The following IFT122 variants were observed in gnomAD, a reference collection of about 807,000 sequenced individuals.
The protein encoded by IFT122 is intraflagellar transport protein 122 homolog.
In IFT122, 118 loss-of-function variants were observed where a neutral mutation model predicts 161.6. That is an observed-to-expected ratio of 0.73 (90% CI 0.63 to 0.85). The LOEUF is 0.85. IFT122 is among the 40% of genes least tolerant of loss of function. IFT122 has a pLI of 0.00. For synonymous variants in IFT122, 550 were observed against 602.4 expected, an observed-to-expected ratio of 0.91 and a Z score of 1.27; for missense variants, 1,381 against 1,579.6, an observed-to-expected ratio of 0.87 and a Z score of 2.13.
At position 129,440,256 on chromosome 3, in the gene IFT122, C is replaced by T. The variant is rs2072766061; in HGVS notation, c.-75C>T. ...GTAGCCAAAGTGGCTTGTGGAGTGGCGACCGTTAGTGAGGCGGTTGCTGAG... is the reference window on the plus strand; with the variant it reads ...GTAGCCAAAGTGGCTTGTGGAGTGGTGACCGTTAGTGAGGCGGTTGCTGAG... On this transcript the variant is annotated 5_prime_UTR_variant, in exon 1 of 30. Transcript: ENST00000348417. 5 of 1,535,746 alleles carry T rather than the reference C, an allele frequency of 3.3e-6. No individual in the cohort carries two copies. The highest frequency in any genetic ancestry group is 4.4e-6 in the Non-Finnish European group (5 of 1,137,526).
chr3:129,455,934 A>G lies in IFT122; in HGVS notation c.194-2665A>G, dbSNP rs189033157. ...AGGAGGAGGAGGAGGAGGAAGAGGG[A>G]TTGGTGATGCTGTGCCAGGGAGACA... is the stretch of plus-strand genomic sequence containing the variant. On this transcript the variant is annotated intron_variant, in intron 3 of 29. Transcript: ENST00000348417. 2.0e-3 allele frequency among the ~76,000 whole-genome samples: 296 copies of G among 151,740 alleles called. 1 individual carries two copies. Among genetic ancestry groups the G allele is most frequent in the African/African-American group, 6.2e-3 (258 of 41,318 alleles).
chr3:129,518,022 G>A (rs1369060231), intron 27 of IFT122, among the ~76,000 whole-genome samples: 1 of 152,220 alleles, frequency 6.6e-6, no homozygotes, highest in African/African-American at 2.4e-5. Flanking sequence ...GGTGTGCAAG[G>A]AAGCCCCAAG....
chr3:129,448,017 A>G (rs1409769903), intron 1 of IFT122, among the ~76,000 whole-genome samples: 1 of 151,918 alleles, frequency 6.6e-6, no homozygotes, highest in Non-Finnish European at 1.5e-5. Context: ...TCTCACTTTC[A>G]TGTCTTTGCT....
At chr3:129,505,345 T>C (rs1384378300) in intron 21 of IFT122, among the ~76,000 whole-genome samples, 1 of 152,224 alleles carries the variant, frequency 6.6e-6, no homozygotes, top group East Asian at 1.9e-4. Context: ...ATGGTAACCG[T>C]TGCCCTCTCT....
chr3:129,512,784 G>T, intron 24 of IFT122: 1 of 348,442 alleles, frequency 2.9e-6, no homozygotes, highest in African/African-American at 2.1e-5. Flanking sequence ...TGTTTGTTCA[G>T]CCCAGGTATA....
chr3:129,496,402 C>T (rs751039633), intron 18 of IFT122, among the ~76,000 whole-genome samples: 3 of 152,186 alleles, frequency 2.0e-5, no homozygotes, highest in Non-Finnish European at 4.4e-5. Context: ...GTCTTCCTTC[C>T]ATCAAGGGGC....
At chr3:129,495,400 T>C in intron 17 of IFT122, 46 bp from the exon 18 acceptor site, 1 of 1,611,096 alleles carries the variant, frequency 6.2e-7, no homozygotes, top group Non-Finnish European at 8.5e-7. Flanking sequence ...GGCTGCTTCC[T>C]GCCCATGGCT....
At chr3:129,469,856 C>A (rs967041765) in intron 9 of IFT122, among the ~76,000 whole-genome samples, 3 of 152,180 alleles carry the variant, frequency 2.0e-5, no homozygotes, top group Non-Finnish European at 4.4e-5. Context: ...TGACATAGAG[C>A]TGGGAAAGTG....
At chr3:129,456,796 G>T (rs183269216) in intron 3 of IFT122, among the ~76,000 whole-genome samples, 170 of 151,070 alleles carry the variant, frequency 1.1e-3, no homozygotes, top group African/African-American at 3.9e-3. Context: ...GGCACCTGTA[G>T]TCCCAGCTAC....
Position 129,488,240 on chromosome 3 carries a change from TTGA to T in IFT122, c.1852-13_1852-11del. 1 of 1,614,070 alleles carries T rather than the reference TTGA, an allele frequency of 6.2e-7. No homozygotes were observed. Among genetic ancestry groups the T allele is most frequent in the Non-Finnish European group, 8.5e-7 (1 of 1,179,992 alleles). On this transcript the variant is annotated splice_polypyrimidine_tract_variant and intron_variant, in intron 15 of 29. Transcript: ENST00000348417. ...CTGAAAACAGTCTTCTTTTTTTCCC[TTGA>T]TGAAATCCTGCAGTCCGCTCCCATG...
rs80051311 is a variant in IFT122, at chr3:129,494,201, T to C, written c.2047-1245T>C. Among the ~76,000 whole-genome samples, 104 of 147,486 alleles carry C rather than the reference T, an allele frequency of 7.1e-4. 2 individuals are homozygous for C. In the Middle Eastern group the frequency reaches 0.028, roughly 39 times the overall value. ...GAATTTCATGTCTAGTAAAACCTTT[T>C]TTGTTTGTTTGTTTGTTTTTTTTTT... is the stretch of plus-strand genomic sequence containing the variant. On this transcript the variant is annotated intron_variant, in intron 17 of 29. Coordinates refer to ENST00000348417, the MANE Select transcript of IFT122 (RefSeq NM_052989.3).
chr3:129,484,617 C>T (rs568232748), intron 15 of IFT122, among the ~76,000 whole-genome samples: 18 of 152,186 alleles, frequency 1.2e-4, no homozygotes, highest in Non-Finnish European at 2.4e-4. Context: ...CAAGACTTCT[C>T]ATCCCTTCCT....
Position 129,520,353 on chromosome 3 carries a change from G to A in IFT122, c.*88G>A. 1 of 1,053,018 alleles carries A rather than the reference G, an allele frequency of 9.5e-7. No homozygotes were observed. The highest frequency in any genetic ancestry group is 1.4e-6 in the Non-Finnish European group (1 of 703,964). The allele number at this position is 1,053,018 out of a possible 1,614,324, so 65.2% of individuals were successfully genotyped here. On this transcript the variant is annotated 3_prime_UTR_variant, in exon 30 of 30. Coordinates refer to ENST00000348417, the MANE Select transcript of IFT122 (RefSeq NM_052989.3). ...GAATAAAGAGTTAAACTGTCAGAAT[G>A]TGTTTCTTGCCCAGATGAAGTTTGT... is the stretch of plus-strand genomic sequence containing the variant.
intron 12 of IFT122, 139 bp downstream of exon 12, chr3:129,478,357 C>A: frequency 2.8e-6 from 2 of 714,608 alleles, no homozygotes; most frequent in South Asian, 3.2e-5. Context: ...TGCTTATTGG[C>A]TTTCATTTTC....
At chr3:129,441,141 C>G (rs1399202329) in intron 1 of IFT122, among the ~76,000 whole-genome samples, 1 of 152,222 alleles carries the variant, frequency 6.6e-6, no homozygotes, top group Non-Finnish European at 1.5e-5. Flanking sequence ...ACATAGCAGT[C>G]TGTTTTGTCA....
intron 24 of IFT122, 124 bp downstream of exon 24, chr3:129,512,536 G>C (rs980841641): frequency 2.5e-5 from 20 of 792,698 alleles, no homozygotes; most frequent in South Asian, 9.6e-5. Context: ...GGAAGACAGA[G>C]AACTCACCCT....
chr3:129,469,137 C>G (rs549458200), intron 8 of IFT122, among the ~76,000 whole-genome samples: 1 of 152,324 alleles, frequency 6.6e-6, no homozygotes, highest in South Asian at 2.1e-4. Context: ...CAGCAGATCC[C>G]AGGAAGGCTG....
At chr3:129,496,195 A>T (rs562691898) in intron 18 of IFT122, among the ~76,000 whole-genome samples, 22 of 152,070 alleles carry the variant, frequency 1.4e-4, no homozygotes, top group African/African-American at 5.3e-4. Flanking sequence ...TCCCTTTTGC[A>T]TTGGGACGGC....
At chr3:129,510,160 A>C (rs1401107861) in intron 23 of IFT122, among the ~76,000 whole-genome samples, 1 of 152,168 alleles carries the variant, frequency 6.6e-6, no homozygotes, top group Non-Finnish European at 1.5e-5. Flanking sequence ...TGCTGGACTC[A>C]AGTGATCCTC....
Sources: allele counts gnomAD v4.1 joint callset (sites outside exome capture counted in the v4.1 genomes callset), GRCh38; gene constraint gnomAD v4.1.1; transcripts MANE v1.5; gene names NCBI Gene and HGNC (gene_info 2026-07-23, HGNC 2026-07-21).